ADAMTSL1: variants seen among roughly 807,000 people sequenced by gnomAD.
ADAMTSL1 encodes the protein ADAMTS-like protein 1.
In ADAMTSL1, 126 loss-of-function variants were observed where a neutral mutation model predicts 201.8. That is an observed-to-expected ratio of 0.62 (90% CI 0.54 to 0.72). The LOEUF is 0.72. Among genes scored for constraint, ADAMTSL1 ranks in the 30% least tolerant of loss-of-function variants. The pLI, the probability that ADAMTSL1 is intolerant of heterozygous loss-of-function variation, is 0.00. For missense variants in ADAMTSL1, 2,679 were observed against 2,277.8 expected, an observed-to-expected ratio of 1.18 and a Z score of -3.59; for synonymous variants, 1,121 against 903.4, an observed-to-expected ratio of 1.24 and a Z score of -4.32.
chr9:18,200,287 G>A (rs1426511787), intron 2 of ADAMTSL1, among the ~76,000 whole-genome samples: 1 of 151,558 alleles, frequency 6.6e-6, no homozygotes, highest in African/African-American at 2.4e-5. Context: ...AAAAAAATTT[G>A]TACACAAGTC....
At chr9:17,983,851 A>G (rs1818818463) in intron 1 of ADAMTSL1, among the ~76,000 whole-genome samples, 2 of 152,184 alleles carry the variant, frequency 1.3e-5, no homozygotes, top group African/African-American at 4.8e-5. Flanking sequence ...AATGTAGTGT[A>G]AAATGTGTAT....
At chr9:18,199,632 A>T (rs1174976365) in intron 2 of ADAMTSL1, among the ~76,000 whole-genome samples, 1 of 152,122 alleles carries the variant, frequency 6.6e-6, no homozygotes, top group African/African-American at 2.4e-5. Flanking sequence ...TTAAAGTCCA[A>T]AGCTGGGTAG....
chr9:18,806,017 T>C (rs1823093779), intron 20 of ADAMTSL1, among the ~76,000 whole-genome samples: 1 of 152,178 alleles, frequency 6.6e-6, no homozygotes, highest in African/African-American at 2.4e-5. Flanking sequence ...AGAATCTAAG[T>C]CCTTGAAGTA....
intron 1 of ADAMTSL1, among the ~76,000 whole-genome samples, chr9:18,495,784 T>C (rs977429642): frequency 6.6e-6 from 1 of 152,120 alleles, no homozygotes; most frequent in Non-Finnish European, 1.5e-5. Context: ...GTGATACCTA[T>C]TTGAGCTGGA....
intron 2 of ADAMTSL1, among the ~76,000 whole-genome samples, chr9:18,463,586 C>A (rs1352066195): frequency 6.6e-6 from 1 of 152,166 alleles, no homozygotes; most frequent in African/African-American, 2.4e-5. Flanking sequence ...CCATTCTACT[C>A]CCTGTCTCTA....
Position 18,657,713 on chromosome 9 carries a change from G to C in ADAMTSL1, c.909G>C (p.Glu303Asp), listed in dbSNP as rs1352340210. The C allele has an allele frequency of 1.9e-6, 3 of 1,614,198 alleles. No homozygotes were observed. Among genetic ancestry groups the C allele is most frequent in the Non-Finnish European group, 2.5e-6 (3 of 1,180,020 alleles). ...AACCCATCATCCACCGATGGAGGGA[G>C]ACGGATTTCTTTCCTTGCTCAGCAA... is the stretch of plus-strand genomic sequence containing the variant. The part of the protein sequence containing the change: ...FYQPIIHRWR[E>D]TDFFPCSATC... Residue 303 changes from glutamate to aspartate, a missense_variant, in exon 8 of 29, where the codon GAG becomes GAC. Coordinates refer to ENST00000380548, the MANE Select transcript of ADAMTSL1 (RefSeq NM_001040272.6).
At chr9:18,828,608 G>C (rs907455576) in intron 22 of ADAMTSL1, among the ~76,000 whole-genome samples, 4 of 137,054 alleles carry the variant, frequency 2.9e-5, no homozygotes, top group Non-Finnish European at 6.2e-5. Context: ...CCTGAACCCA[G>C]GCATGATGTT....
chr9:18,840,650 G>C (rs1326300752), intron 23 of ADAMTSL1, among the ~76,000 whole-genome samples: 2 of 152,104 alleles, frequency 1.3e-5, no homozygotes, highest in East Asian at 3.8e-4. Context: ...TCATGATATT[G>C]ATTCTTCTTA....
chr9:18,760,897 G>T (rs2117194), intron 16 of ADAMTSL1, among the ~76,000 whole-genome samples: 23,023 of 152,228 alleles, frequency 0.15, 2,132 homozygotes, highest in Admixed American at 0.23. Context: ...TTTTCCCAGA[G>T]AGATTTAATT....
chr9:18,082,593 T>A (rs12346224), intron 1 of ADAMTSL1, among the ~76,000 whole-genome samples: 52,454 of 152,056 alleles, frequency 0.34, 9,900 homozygotes, highest in Non-Finnish European at 0.43. Context: ...TTCACTTGCC[T>A]CCTCTTCAAG....
intron 1 of ADAMTSL1, among the ~76,000 whole-genome samples, chr9:18,000,662 A>T (rs755396886): frequency 2.0e-5 from 3 of 152,066 alleles, no homozygotes; most frequent in Non-Finnish European, 4.4e-5. Context: ...TACTTATATC[A>T]TGTAGCACTG....
At chr9:18,710,012 C>T (rs1364586645) in intron 14 of ADAMTSL1, among the ~76,000 whole-genome samples, 1 of 152,184 alleles carries the variant, frequency 6.6e-6, no homozygotes, top group Non-Finnish European at 1.5e-5. Flanking sequence ...CATATATTAG[C>T]TCTTTTGGAA....
intron 1 of ADAMTSL1, among the ~76,000 whole-genome samples, chr9:18,090,608 A>C (rs1350614501): frequency 6.6e-6 from 1 of 152,014 alleles, no homozygotes; most frequent in Non-Finnish European, 1.5e-5. Flanking sequence ...GGAAATAGGG[A>C]GTTAGCATTT....
chr9:18,037,366 T>C (rs150937640), intron 1 of ADAMTSL1, among the ~76,000 whole-genome samples: 104 of 152,268 alleles, frequency 6.8e-4, no homozygotes, highest in African/African-American at 2.3e-3. Context: ...CTACACAAAT[T>C]TGCAGGACTA....
chr9:18,139,765 T>A (rs979646621), intron 1 of ADAMTSL1, among the ~76,000 whole-genome samples: 1 of 152,180 alleles, frequency 6.6e-6, no homozygotes, highest in African/African-American at 2.4e-5. Context: ...CCCACTCATA[T>A]TGGTCCACTT....
intron 2 of ADAMTSL1, among the ~76,000 whole-genome samples, chr9:18,302,238 C>G (rs924690703): frequency 6.6e-6 from 1 of 152,038 alleles, no homozygotes; most frequent in Non-Finnish European, 1.5e-5. Flanking sequence ...GCTCTCAGGT[C>G]ACCTGGGAGC....
At chr9:18,659,781 G>T (rs983937208) in intron 8 of ADAMTSL1, among the ~76,000 whole-genome samples, 2 of 151,984 alleles carry the variant, frequency 1.3e-5, no homozygotes, top group Admixed American at 1.3e-4. Flanking sequence ...AAAGAAGAAA[G>T]AAAGAAGGAA....
intron 2 of ADAMTSL1, among the ~76,000 whole-genome samples, chr9:18,356,574 A>C (rs187414862): frequency 6.9e-6 from 1 of 145,810 alleles, no homozygotes; most frequent in African/African-American, 2.5e-5. Flanking sequence ...CAGCCTAAAA[A>C]ATTTTATGCA....
intron 4 of ADAMTSL1, among the ~76,000 whole-genome samples, chr9:18,621,789 G>A (rs530276688): frequency 5.9e-5 from 9 of 152,204 alleles, no homozygotes; most frequent in African/African-American, 1.9e-4. Context: ...CGCAGCATAC[G>A]TTCTAACGAA....
Sources: allele counts gnomAD v4.1 joint callset (sites outside exome capture counted in the v4.1 genomes callset), GRCh38; gene constraint gnomAD v4.1.1; transcripts MANE v1.5; gene names NCBI Gene and HGNC (gene_info 2026-07-23, HGNC 2026-07-21).